ROBO2: variants seen among roughly 807,000 people sequenced by gnomAD.
The protein encoded by ROBO2 is roundabout guidance receptor 2.
In ROBO2, 53 loss-of-function variants were observed where a neutral mutation model predicts 160.8. The ratio of observed to expected loss-of-function variants is 0.33; its 90% confidence interval spans 0.26 to 0.41. The LOEUF (loss-of-function observed/expected upper bound fraction) is 0.41. Among genes scored for constraint, ROBO2 ranks in the 10% least tolerant of loss-of-function variants. The pLI, the probability that ROBO2 is intolerant of heterozygous loss-of-function variation, is 1.00. For synonymous variants in ROBO2, 664 were observed against 611.7 expected (o/e 1.09, Z -1.26); for missense variants, 1,577 against 1,722.4 (o/e 0.92, Z 1.49).
chr3:76,702,217 A>T (rs2608134), intron 2 of ROBO2, among the ~76,000 whole-genome samples: 1 of 151,830 alleles, frequency 6.6e-6, no homozygotes, highest in Non-Finnish European at 1.5e-5. Flanking sequence ...GAATTGTTTT[A>T]GAGGGTTAAT....
chr3:77,172,280 G>A (rs1212546176), intron 2 of ROBO2, among the ~76,000 whole-genome samples: 1 of 152,062 alleles, frequency 6.6e-6, no homozygotes, highest in Non-Finnish European at 1.5e-5. Context: ...TTCATAATTG[G>A]TCACTGTAGA....
chr3:76,108,383 A>G (rs373111912), intron 2 of ROBO2, among the ~76,000 whole-genome samples: 1 of 152,080 alleles, frequency 6.6e-6, no homozygotes, highest in Non-Finnish European at 1.5e-5. Flanking sequence ...ATTGAATATC[A>G]TCACTGTAAC....
chr3:76,161,555 C>T (rs761015458), intron 2 of ROBO2, among the ~76,000 whole-genome samples: 4 of 152,124 alleles, frequency 2.6e-5, no homozygotes, highest in Non-Finnish European at 4.4e-5. Flanking sequence ...TAAGAGTGCT[C>T]TCAGGGTCAT....
intron 2 of ROBO2, among the ~76,000 whole-genome samples, chr3:76,180,043 C>A (rs1701430820): frequency 6.6e-6 from 1 of 151,986 alleles, no homozygotes; most frequent in Non-Finnish European, 1.5e-5. Context: ...ATTTTATATC[C>A]CTCTTTTCCA....
intron 2 of ROBO2, among the ~76,000 whole-genome samples, chr3:76,906,586 C>T (rs1423810496): frequency 6.6e-6 from 1 of 151,878 alleles, no homozygotes; most frequent in East Asian, 1.9e-4. Context: ...TGAAGAATAA[C>T]ACTGTAATAG....
At chr3:77,357,373 C>T (rs1236246955) in intron 2 of ROBO2, among the ~76,000 whole-genome samples, 3 of 152,080 alleles carry the variant, frequency 2.0e-5, no homozygotes, top group Non-Finnish European at 4.4e-5. Flanking sequence ...GCCCCTTTCC[C>T]TCTCTCCCTC....
At chr3:77,623,263 T>C (rs1262060002) in intron 23 of ROBO2, among the ~76,000 whole-genome samples, 1 of 152,198 alleles carries the variant, frequency 6.6e-6, no homozygotes, top group East Asian at 1.9e-4. Flanking sequence ...ACCGAGCTAC[T>C]ACAAACTGAA....
chr3:76,930,118 G>T (rs902183543), intron 2 of ROBO2, among the ~76,000 whole-genome samples: 7 of 152,040 alleles, frequency 4.6e-5, no homozygotes, highest in African/African-American at 1.7e-4. Context: ...CTGCCTTTTA[G>T]GTTCAAGCGA....
intron 2 of ROBO2, among the ~76,000 whole-genome samples, chr3:76,089,272 G>A (rs1193179367): frequency 1.3e-5 from 2 of 151,956 alleles, no homozygotes; most frequent in Admixed American, 1.3e-4. Flanking sequence ...AATAAATTAT[G>A]CCAATTCTCC....
chr3:76,802,431 A>C (rs1399799906), intron 2 of ROBO2, among the ~76,000 whole-genome samples: 2 of 152,154 alleles, frequency 1.3e-5, no homozygotes, highest in Non-Finnish European at 2.9e-5. Flanking sequence ...AACCACTGTA[A>C]GATACCACCT....
At chr3:77,626,265 A>G (rs1291495110) in intron 23 of ROBO2, among the ~76,000 whole-genome samples, 5 of 152,194 alleles carry the variant, frequency 3.3e-5, no homozygotes, top group Admixed American at 1.3e-4. Flanking sequence ...CAAGATCAAG[A>G]TATTAATTTT....
intron 2 of ROBO2, among the ~76,000 whole-genome samples, chr3:77,298,876 T>G (rs1157765789): frequency 1.3e-5 from 2 of 152,158 alleles, no homozygotes; most frequent in East Asian, 3.9e-4. Context: ...AAGATATACG[T>G]GTACAGAATT....
intron 2 of ROBO2, among the ~76,000 whole-genome samples, chr3:77,276,355 GA>G (rs2059828404): frequency 2.0e-5 from 3 of 152,044 alleles, no homozygotes; most frequent in Admixed American, 2.0e-4. Context: ...TACTACTACA[GA>G]TAAACTGTAC....
chr3:77,535,557 A>G (rs542017393), intron 6 of ROBO2, among the ~76,000 whole-genome samples: 5 of 152,290 alleles, frequency 3.3e-5, no homozygotes, highest in South Asian at 4.1e-4. Context: ...TTACAAACAA[A>G]GAGTTAATTT....
chr3:76,334,746 T>C (rs1387706905), intron 2 of ROBO2, among the ~76,000 whole-genome samples: 1 of 152,166 alleles, frequency 6.6e-6, no homozygotes, highest in Non-Finnish European at 1.5e-5. Flanking sequence ...CAGAATGTGT[T>C]AAGTATAGCA....
intron 2 of ROBO2, among the ~76,000 whole-genome samples, chr3:77,446,082 GCA>G (rs1560855777): frequency 6.6e-6 from 1 of 151,964 alleles, no homozygotes; most frequent in Non-Finnish European, 1.5e-5. Flanking sequence ...CAGAGGACCA[GCA>G]AGAAATCATT....
intron 23 of ROBO2, among the ~76,000 whole-genome samples, chr3:77,625,596 T>TA (rs990520786): frequency 1.3e-5 from 2 of 152,166 alleles, no homozygotes; most frequent in Admixed American, 1.3e-4. Context: ...CAAGAGGGTC[T>TA]TGATCTCTTG....
intron 2 of ROBO2, among the ~76,000 whole-genome samples, chr3:75,967,012 A>T (rs540397410): frequency 2.0e-5 from 3 of 151,716 alleles, no homozygotes; most frequent in Non-Finnish European, 4.4e-5. Context: ...GTGTGTGTGC[A>T]TGTGTATTTA....
chr3:77,602,182 T>A (rs2094442229), intron 19 of ROBO2, 28 bp from the exon 21 acceptor site: 1 of 1,613,638 alleles, frequency 6.2e-7, no homozygotes, highest in Admixed American at 1.7e-5. Flanking sequence ...CCTCATTAAA[T>A]TGTTTCATTT....
Sources: gnomAD v4.1 joint callset for allele counts (sites outside exome capture counted in the v4.1 genomes callset) on GRCh38, gnomAD v4.1.1 for gene constraint, MANE v1.5 for transcripts, NCBI Gene and HGNC (gene_info 2026-07-23, HGNC 2026-07-21) for gene names.